The following EFHD1 variants were observed in gnomAD, a reference collection of about 807,000 sequenced individuals.
EFHD1 encodes EF-hand domain family member D1, also known as EF-hand domain-containing protein D1.
In EFHD1, 10 loss-of-function variants were observed where a neutral mutation model predicts 17.2. That is an observed-to-expected ratio of 0.58 (90% CI 0.36 to 0.99). The LOEUF (loss-of-function observed/expected upper bound fraction) is 0.99, where lower values mean the gene tolerates loss of function less well. Ranked by LOEUF, EFHD1 falls within the 50% of genes least tolerant of loss-of-function variation. The pLI, the probability that EFHD1 is intolerant of heterozygous loss-of-function variation, is 0.01. For missense variants in EFHD1, 310 were observed against 327.5 expected (o/e 0.95, Z 0.41); for synonymous variants, 153 against 142.0 (o/e 1.08, Z -0.55).
intron 1 of EFHD1, among the ~76,000 whole-genome samples, chr2:232,615,688 T>TC (rs1279822296): frequency 6.8e-6 from 1 of 146,546 alleles, no homozygotes; most frequent in Non-Finnish European, 1.5e-5. Context: ...CTTTTCCTTT[T>TC]TTTTTTTTTT....
intron 1 of EFHD1, among the ~76,000 whole-genome samples, chr2:232,660,465 A>G (rs567962187): frequency 7.2e-5 from 11 of 151,738 alleles, no homozygotes; most frequent in African/African-American, 2.2e-4. Context: ...CTCCCAAAGT[A>G]TTGGGATTAC....
intron 3 of EFHD1, among the ~76,000 whole-genome samples, chr2:232,675,987 C>T (rs932668256): frequency 6.6e-6 from 1 of 152,028 alleles, no homozygotes; most frequent in Admixed American, 6.6e-5. Flanking sequence ...ACCAGCCTGG[C>T]CAACATGGTG....
At chr2:232,653,493 G>A (rs116395324) in intron 1 of EFHD1, among the ~76,000 whole-genome samples, 1,830 of 152,188 alleles carry the variant, frequency 0.012, 43 homozygotes, top group African/African-American at 0.042. Context: ...GATTCACCAC[G>A]TTGGCCAGGT....
chr2:232,641,326 C>T (rs1444323410), intron 1 of EFHD1, among the ~76,000 whole-genome samples: 1 of 152,186 alleles, frequency 6.6e-6, no homozygotes, highest in East Asian at 1.9e-4. Flanking sequence ...AGCCACCGCA[C>T]CTGGCCACAA....
chr2:232,616,787 G>A lies in EFHD1; in HGVS notation c.14+10614G>A, dbSNP rs79814932. Among the ~76,000 whole-genome samples, 75 of 152,154 alleles carry A rather than the reference G, an allele frequency of 4.9e-4. 2 individuals carry two copies. In the East Asian group the frequency reaches 0.014, roughly 29 times the overall value. On this transcript the variant is annotated intron_variant, in intron 1 of 3. Transcript: ENST00000409613. ...TAATGTGGATGTACTTAATACTGCT[G>A]AAATGTACACCTAAAAATGGTTAAG...
chr2:232,633,031 C>T (rs989139584), upstream of EFHD1, among the ~76,000 whole-genome samples: 3 of 152,236 alleles, frequency 2.0e-5, no homozygotes, highest in African/African-American at 7.2e-5. Flanking sequence ...TGCTCTCTCT[C>T]TTTTTTGTTT....
intron 2 of EFHD1, among the ~76,000 whole-genome samples, chr2:232,664,032 T>C (rs1302412324): frequency 6.6e-6 from 1 of 152,050 alleles, no homozygotes; most frequent in Non-Finnish European, 1.5e-5. Context: ...CCTCAAGCGA[T>C]TCTCCTGCCT....
chr2:232,639,455 G>A (rs1694383308), intron 1 of EFHD1, among the ~76,000 whole-genome samples: 1 of 151,780 alleles, frequency 6.6e-6, no homozygotes, highest in Non-Finnish European at 1.5e-5. Flanking sequence ...TCAAAGCGCT[G>A]GGATCATAGG....
intron 1 of EFHD1, among the ~76,000 whole-genome samples, chr2:232,622,363 G>A (rs1244198015): frequency 1.3e-5 from 2 of 152,146 alleles, no homozygotes; most frequent in Admixed American, 1.3e-4. Context: ...CAGCTACTTG[G>A]GAGGCTGAGG....
chr2:232,651,967 G>T (rs1574720563), intron 1 of EFHD1, among the ~76,000 whole-genome samples: 1 of 152,264 alleles, frequency 6.6e-6, no homozygotes, highest in Non-Finnish European at 1.5e-5. Flanking sequence ...CCCAGCCTGG[G>T]GCAGAGCTGC....
At chr2:232,611,041 G>A (rs1255717721) in intron 1 of EFHD1, among the ~76,000 whole-genome samples, 2 of 152,148 alleles carry the variant, frequency 1.3e-5, no homozygotes, top group Admixed American at 6.6e-5. Flanking sequence ...AGCCAGGCGT[G>A]GTGGTGTGCA....
At chr2:232,674,810 A>G (rs1695140631) in intron 3 of EFHD1, among the ~76,000 whole-genome samples, 1 of 152,084 alleles carries the variant, frequency 6.6e-6, no homozygotes, top group Admixed American at 6.6e-5. Context: ...TAATCAAGGA[A>G]GGGAGGGCGT....
intron 1 of EFHD1, among the ~76,000 whole-genome samples, chr2:232,622,725 C>T (rs1694042849): frequency 6.6e-6 from 1 of 152,100 alleles, no homozygotes; most frequent in African/African-American, 2.4e-5. Context: ...GCAGCAGCTG[C>T]TCCGGTTTGC....
At chr2:232,636,972 T>C (rs1351366462) in intron 1 of EFHD1, among the ~76,000 whole-genome samples, 3 of 152,162 alleles carry the variant, frequency 2.0e-5, no homozygotes, top group Admixed American at 2.0e-4. Context: ...CGGGTCCCCG[T>C]GGGACTGTGT....
At chr2:232,655,669 A>G (rs13396021) in intron 1 of EFHD1, among the ~76,000 whole-genome samples, 67,301 of 152,132 alleles carry the variant, frequency 0.44, 15,909 homozygotes, top group South Asian at 0.57. Flanking sequence ...GCACTTAGCT[A>G]AAGTCTGTCT....
chr2:232,628,668 G>A (rs560729812), upstream of EFHD1, among the ~76,000 whole-genome samples: 17 of 152,184 alleles, frequency 1.1e-4, no homozygotes, highest in African/African-American at 3.6e-4. Flanking sequence ...ACTCAATTCC[G>A]CAGGGATTTG....
At chr2:232,679,030 A>G (rs1404560469) in intron 3 of EFHD1, among the ~76,000 whole-genome samples, 1 of 152,142 alleles carries the variant, frequency 6.6e-6, no homozygotes, top group Non-Finnish European at 1.5e-5. Context: ...CCTTCCTCCA[A>G]TCCTGTTAAG....
At chr2:232,631,286 TTCTCTCTCTCTC>T (rs955159128), upstream of EFHD1, among the ~76,000 whole-genome samples, 4 of 148,018 alleles carry the variant, frequency 2.7e-5, no homozygotes, top group Admixed American at 6.7e-5. Context: ...CTCTCTTTCT[TTCTCTCTCTCTC>T]TCTCTGTCTC....
intron 2 of EFHD1, 115 bp from the exon 3 acceptor site, chr2:232,672,194 A>C (rs1166522620): frequency 7.1e-7 from 1 of 1,411,152 alleles, no homozygotes; most frequent in Non-Finnish European, 1.0e-6. Flanking sequence ...TGCCACATGC[A>C]TACATAAACA....
Sources: allele counts gnomAD v4.1 joint callset (sites outside exome capture counted in the v4.1 genomes callset), GRCh38; gene constraint gnomAD v4.1.1; transcripts MANE v1.5; gene names NCBI Gene and HGNC (gene_info 2026-07-23, HGNC 2026-07-21).